The following SMURF2 variants were observed in gnomAD, a reference collection of about 807,000 sequenced individuals.
SMURF2 encodes the protein SMAD specific E3 ubiquitin protein ligase 2, also known as E3 ubiquitin-protein ligase SMURF2.
Under a neutral mutation model 109.6 loss-of-function variants are expected in SMURF2, and 48 were observed. The observed-to-expected ratio is 0.44, with a 90% CI of 0.35 to 0.56. The LOEUF is 0.56. SMURF2 is among the 20% of genes least tolerant of loss of function. SMURF2 has a pLI of 0.01. For missense variants in SMURF2, 575 were observed against 909.0 expected (o/e 0.63, Z 4.72); for synonymous variants, 288 against 317.1 (o/e 0.91, Z 0.97).
Position 64,551,478 on chromosome 17 carries a change from A to C in SMURF2, c.1869+106T>G, listed in dbSNP as rs1477276615. The stretch of plus-strand genomic sequence containing the variant: ...AAGAATTCTCAAGCATAGAACCATG[A>C]AACTTAGAAAGCACCAGAAATATGC... On this transcript the variant is annotated intron_variant, in intron 16 of 18. Coordinates refer to ENST00000262435, the MANE Select transcript of SMURF2 (RefSeq NM_022739.4). The C allele has an allele frequency of 3.9e-6, 5 of 1,268,448 alleles. No individual in the cohort carries two copies. The African/African-American group carries it at 7.4e-5, about 19-fold the overall frequency. 78.6% of individuals were successfully genotyped at this position (1,268,448 alleles called of 1,614,324 possible).
intron 1 of SMURF2, among the ~76,000 whole-genome samples, chr17:64,640,669 C>T (rs971545165): frequency 6.6e-6 from 1 of 151,898 alleles, no homozygotes; most frequent in African/African-American, 2.4e-5. Flanking sequence ...ACCTATAATC[C>T]CAGCACTTTG....
At chr17:64,659,452 GA>G (rs1469661746) in intron 1 of SMURF2, among the ~76,000 whole-genome samples, 1 of 149,556 alleles carries the variant, frequency 6.7e-6, no homozygotes, top group Non-Finnish European at 1.5e-5. Flanking sequence ...AGATCTAAAT[GA>G]ACTGTTAAAC....
At position 64,554,716 on chromosome 17, in the gene SMURF2, T is replaced by C; in HGVS notation, c.1748+140A>G. ...TGGAATTGTGAGAAATAATAAAATG[T>C]CTGTTCTAAATAAGCCACTAAATTC... On this transcript the variant is annotated intron_variant, in intron 15 of 18. Transcript: ENST00000262435. The C allele has an allele frequency of 5.7e-6, 4 of 707,792 alleles. No homozygotes were observed. The South Asian group carries it at 8.2e-5, about 15-fold the overall frequency. The allele number at this position is 707,792 out of a possible 1,614,324, so 43.8% of individuals were successfully genotyped here. A position where few individuals can be genotyped will look rare whatever the true frequency, so the allele number is the denominator to read the frequency against.
At chr17:64,606,849 CAAGA>C (rs1190908480) in intron 1 of SMURF2, among the ~76,000 whole-genome samples, 1 of 152,006 alleles carries the variant, frequency 6.6e-6, no homozygotes, top group Non-Finnish European at 1.5e-5. Context: ...TAGCTGAGGG[CAAGA>C]AAGTTTATAA....
rs1271205129 is a variant in SMURF2 at position 64,544,454 on chromosome 17, C to G, written c.*1394G>C. On this transcript the variant is annotated 3_prime_UTR_variant, in exon 19 of 19. Coordinates refer to ENST00000262435, the MANE Select transcript of SMURF2 (RefSeq NM_022739.4). ...TATTTCACATCAATGTAAAAAAAAA[C>G]TGATAGTACATATTTTTGATGGTTG... is the stretch of plus-strand genomic sequence containing the variant. 1 of 151,314 alleles carries G rather than the reference C, an allele frequency of 6.6e-6. No homozygotes were observed. The highest frequency in any genetic ancestry group is 1.9e-4 in the East Asian group (1 of 5,200). The allele number at this position is 151,314 out of a possible 1,614,324, so 9.4% of individuals were successfully genotyped here.
intron 2 of SMURF2, among the ~76,000 whole-genome samples, chr17:64,604,956 G>A (rs1206235229): frequency 6.6e-6 from 1 of 150,868 alleles, no homozygotes; most frequent in Non-Finnish European, 1.5e-5. Flanking sequence ...AAAAAAAAAA[G>A]GAAAAGTGCT....
intron 1 of SMURF2, among the ~76,000 whole-genome samples, chr17:64,631,718 C>A (rs1307879533): frequency 1.3e-5 from 2 of 152,134 alleles, no homozygotes; most frequent in African/African-American, 4.8e-5. Context: ...CTAATTCCAC[C>A]TCTGCCCTCA....
chr17:64,559,630 G>T (rs1183033344), intron 12 of SMURF2, among the ~76,000 whole-genome samples: 1 of 151,718 alleles, frequency 6.6e-6, no homozygotes, highest in African/African-American at 2.4e-5. Context: ...TACGAGCCAG[G>T]CATGGTGGCT....
chr17:64,588,091 C>CA (rs375759315), intron 5 of SMURF2, among the ~76,000 whole-genome samples: 2,854 of 68,710 alleles, frequency 0.042, 61 homozygotes, highest in East Asian at 0.083. Context: ...GTTTATGGTC[C>CA]AAAAAAAAAA....
chr17:64,627,347 C>T (rs1555691257), intron 1 of SMURF2, among the ~76,000 whole-genome samples: 2 of 152,104 alleles, frequency 1.3e-5, no homozygotes, highest in Non-Finnish European at 2.9e-5. Context: ...AACTCCTGAC[C>T]TCAAGTGATC....
intron 9 of SMURF2, among the ~76,000 whole-genome samples, chr17:64,576,873 C>CTTTT (rs782057854): frequency 2.5e-5 from 2 of 81,504 alleles, no homozygotes; most frequent in East Asian, 2.9e-4. Flanking sequence ...TTTTTCTATC[C>CTTTT]TTTTTTTTTT....
intron 10 of SMURF2, among the ~76,000 whole-genome samples, chr17:64,567,812 C>G (rs1172427322): frequency 6.6e-6 from 1 of 151,404 alleles, no homozygotes; most frequent in African/African-American, 2.4e-5. Flanking sequence ...CCTCCTGGGT[C>G]CCAACTAGCT....
In SMURF2 at chr17:64,556,016, A is replaced by G; in HGVS notation, c.1432-18T>C. 1 of 1,568,698 alleles carries G rather than the reference A, an allele frequency of 6.4e-7. No individual in the cohort carries two copies. The highest frequency in any genetic ancestry group is 8.7e-7 in the Non-Finnish European group (1 of 1,150,292). On this transcript the variant is annotated intron_variant, in intron 13 of 18. Transcript: ENST00000262435. ...AAATGTTCCTGAAATTGAAAACAGTATATATACTCGTTAGGCACTACCCAG... is the reference window on the plus strand; with the variant it reads ...AAATGTTCCTGAAATTGAAAACAGTGTATATACTCGTTAGGCACTACCCAG...
At chr17:64,589,687 C>G (rs1160607643) in intron 5 of SMURF2, among the ~76,000 whole-genome samples, 3 of 151,802 alleles carry the variant, frequency 2.0e-5, no homozygotes, top group Non-Finnish European at 2.9e-5. Flanking sequence ...GCCTGATGAT[C>G]TGTCACTGTC....
chr17:64,584,318 C>CA (rs368630194), intron 6 of SMURF2, among the ~76,000 whole-genome samples: 15,375 of 71,484 alleles, frequency 0.22, 1,913 homozygotes, highest in African/African-American at 0.41. Flanking sequence ...AACTCCTTCT[C>CA]AAAAAAAAAA....
rs1555687062 is a variant in SMURF2, at chr17:64,586,165, G to C, written c.406C>G (p.Leu136Val). ...GTGCCTATTCGGTCTCTGGACTGAA[G>C]ACTTACTATTAAATGACAGAAATAT... ...DTVRGQIVVS[L>V]QSRDRIGTGG... Residue 136 changes from leucine to valine, a missense_variant, in exon 6 of 19, where the codon CTT (leucine) becomes GTT (valine). Leu to Val is a conservative substitution (Grantham distance 32). Transcript: ENST00000262435. 6.3e-7 allele frequency: 1 copy of C among 1,596,434 alleles called. No homozygotes were observed. The highest frequency in any genetic ancestry group is 1.7e-5 in the Admixed American group (1 of 58,884).
At chr17:64,625,747 C>T (rs1250841029) in intron 1 of SMURF2, among the ~76,000 whole-genome samples, 1 of 152,210 alleles carries the variant, frequency 6.6e-6, no homozygotes, top group Non-Finnish European at 1.5e-5. Context: ...CCCCATGACT[C>T]AATTCCCAGT....
chr17:64,605,744 AATAT>A lies in SMURF2; in HGVS notation c.91+854_91+857del, dbSNP rs71158333. On this transcript the variant is annotated intron_variant, in intron 2 of 18. Coordinates refer to ENST00000262435, the MANE Select transcript of SMURF2 (RefSeq NM_022739.4). ...AGGGCAAGATCCTGTCTCTAAAAAG[AATAT>A]ATATATATATATATATATATATATA... is the stretch of plus-strand genomic sequence containing the variant. 9.8e-3 allele frequency among the ~76,000 whole-genome samples: 967 copies of A among 99,072 alleles called. 25 individuals are homozygous for A. Among genetic ancestry groups the A allele is most frequent in the African/African-American group, 0.03 (751 of 24,948 alleles). 65.0% of individuals were successfully genotyped at this position (99,072 alleles called of 152,430 possible).
At chr17:64,655,252 C>CT (rs749497302) in intron 1 of SMURF2, among the ~76,000 whole-genome samples, 2,684 of 85,904 alleles carry the variant, frequency 0.031, 340 homozygotes, top group African/African-American at 0.037. Flanking sequence ...AATGAAATGT[C>CT]TTTTTTTTTT....
Sources: allele counts gnomAD v4.1 joint callset (sites outside exome capture counted in the v4.1 genomes callset), GRCh38; gene constraint gnomAD v4.1.1; transcripts MANE v1.5; gene names NCBI Gene and HGNC (gene_info 2026-07-23, HGNC 2026-07-21).